PSME4: variants seen among roughly 807,000 people sequenced by gnomAD.
PSME4 encodes proteasome activator complex subunit 4.
A neutral mutation model predicts 253.9 loss-of-function variants in PSME4; 89 were observed. That is an observed-to-expected ratio of 0.35 (90% CI 0.30 to 0.42). The LOEUF (loss-of-function observed/expected upper bound fraction) is 0.42, where lower values mean the gene tolerates loss of function less well. PSME4 is among the 10% of genes least tolerant of loss of function. PSME4 has a pLI of 1.00. For missense variants in PSME4, 2,014 were observed against 2,195.2 expected, an observed-to-expected ratio of 0.92 and a Z score of 1.65; for synonymous variants, 851 against 759.2, an observed-to-expected ratio of 1.12 and a Z score of -1.99.
In PSME4 at chr2:53,892,979, T is replaced by C. The variant is rs779377938; in HGVS notation, c.4039-19A>G. On this transcript the variant is annotated intron_variant, in intron 35 of 46. Transcript: ENST00000404125. ...ATATACCCTATAAAAACAAAGACTG[T>C]TCTTCAGTACTCAAATGACTATCAT... 3.1e-6 allele frequency: 5 copies of C among 1,601,572 alleles called. No individual in the cohort carries two copies. The South Asian group carries it at 5.6e-5, about 18-fold the overall frequency.
intron 26 of PSME4, among the ~76,000 whole-genome samples, 180 bp from the exon 27 acceptor site, chr2:53,904,336 G>T (rs573378066): frequency 6.6e-6 from 1 of 152,226 alleles, no homozygotes; most frequent in South Asian, 2.1e-4. Context: ...CAAAAGGAAA[G>T]CACAATACCA....
intron 1 of PSME4, among the ~76,000 whole-genome samples, chr2:53,965,444 G>A (rs1670677016): frequency 6.6e-6 from 1 of 151,616 alleles, no homozygotes; most frequent in Non-Finnish European, 1.5e-5. Flanking sequence ...GTTGGCCAAG[G>A]AACTCCTGAC....
Position 53,919,248 on chromosome 2 carries a change from T to TAA in PSME4, c.2421-3_2421-2insTT. The stretch of plus-strand genomic sequence containing the variant: ...GTCAGACTCTGTAGAATATCATCTC[T>TAA]AGAAAAAAAAAAAAGACATTTTCAT... On this transcript the variant is annotated splice_polypyrimidine_tract_variant and splice_region_variant and intron_variant, in intron 19 of 46. Coordinates refer to ENST00000404125, the MANE Select transcript of PSME4 (RefSeq NM_014614.3). 6.5e-7 allele frequency: 1 copy of TAA among 1,543,896 alleles called. No individual in the cohort carries two copies. The highest frequency in any genetic ancestry group is 8.7e-7 in the Non-Finnish European group (1 of 1,151,726).
Position 53,921,185 on chromosome 2 carries a change from G to A in PSME4, c.2047-81C>T. ...TCATTAATGCAAAGTTCAATGTTTGGCCACTAACCTAGTGTTTCTCTAAAT... is the reference window on the plus strand; with the variant it reads ...TCATTAATGCAAAGTTCAATGTTTGACCACTAACCTAGTGTTTCTCTAAAT... On this transcript the variant is annotated intron_variant, in intron 17 of 46. Coordinates refer to ENST00000404125, the MANE Select transcript of PSME4 (RefSeq NM_014614.3). 3 of 1,580,654 alleles carry A rather than the reference G, an allele frequency of 1.9e-6. No homozygotes were observed. The South Asian group carries it at 3.4e-5, about 18-fold the overall frequency.
chr2:53,906,374 T>C lies in PSME4; in HGVS notation c.2943+224A>G, dbSNP rs182851448. Reference sequence around the variant, plus strand: ...CCTTAGCTTGAATATATTTGCAATTTGAAAGCTGTTTTCTATGCTAACATG... The same window carrying C: ...CCTTAGCTTGAATATATTTGCAATTCGAAAGCTGTTTTCTATGCTAACATG... On this transcript the variant is annotated intron_variant, in intron 26 of 46. Transcript: ENST00000404125. 2.6e-5 allele frequency among the ~76,000 whole-genome samples: 4 copies of C among 152,360 alleles called. No homozygotes were observed. The East Asian group carries it at 5.8e-4, about 22-fold the overall frequency.
chr2:53,881,098 A>G (rs946464214), intron 41 of PSME4, among the ~76,000 whole-genome samples: 1 of 152,224 alleles, frequency 6.6e-6, no homozygotes, highest in Non-Finnish European at 1.5e-5. Context: ...CTAAAATCCA[A>G]TAGATAAATT....
chr2:53,926,154 AC>A, intron 12 of PSME4, 131 bp from the exon 13 acceptor site: 1 of 635,912 alleles, frequency 1.6e-6, no homozygotes, highest in Non-Finnish European at 2.7e-6. Context: ...GAGAAACAGC[AC>A]CATGCTAGAC....
chr2:53,958,259 G>A (rs1409658331), intron 1 of PSME4, among the ~76,000 whole-genome samples: 2 of 151,876 alleles, frequency 1.3e-5, no homozygotes, highest in African/African-American at 4.8e-5. Flanking sequence ...GGGAGGCTGA[G>A]GTGGGAGAAC....
chr2:53,885,662 T>G (rs758230978), intron 41 of PSME4, 28 bp downstream of exon 41: 1 of 1,523,318 alleles, frequency 6.6e-7, no homozygotes, highest in Admixed American at 1.7e-5. Context: ...CAAAAGGAGA[T>G]GCATTCTTAA....
intron 1 of PSME4, among the ~76,000 whole-genome samples, chr2:53,962,285 C>T (rs1398326325): frequency 6.6e-6 from 1 of 150,722 alleles, no homozygotes; most frequent in African/African-American, 2.4e-5. Context: ...TTTACAGGGG[C>T]GAAAGGGATT....
intron 1 of PSME4, among the ~76,000 whole-genome samples, chr2:53,970,259 C>T (rs1327979839): frequency 6.6e-6 from 1 of 152,140 alleles, no homozygotes; most frequent in Non-Finnish European, 1.5e-5. Context: ...CTTGGGCTAC[C>T]CAGGGCCCCC....
intron 24 of PSME4, among the ~76,000 whole-genome samples, chr2:53,907,551 G>A (rs1454117388): frequency 6.6e-6 from 1 of 152,160 alleles, no homozygotes; most frequent in African/African-American, 2.4e-5. Flanking sequence ...GTTCACAGTG[G>A]TGGCAGAGCT....
chr2:53,877,286 G>A (rs1679181099), intron 41 of PSME4, among the ~76,000 whole-genome samples: 1 of 150,798 alleles, frequency 6.6e-6, no homozygotes, highest in South Asian at 2.1e-4. Flanking sequence ...TGGGCTTGGT[G>A]CCACATGCCT....
intron 39 of PSME4, 56 bp downstream of exon 39, chr2:53,887,802 T>TA (rs541569401): frequency 4.7e-4 from 673 of 1,427,694 alleles, no homozygotes; most frequent in South Asian, 9.4e-4. Flanking sequence ...TATTACAATT[T>TA]AAAAAAAAAC....
At chr2:53,936,873 G>T (rs749242531) in intron 5 of PSME4, 46 bp from the exon 6 acceptor site, 4 of 1,298,814 alleles carry the variant, frequency 3.1e-6, no homozygotes, top group Admixed American at 2.1e-5. Flanking sequence ...ATTTTAAAGT[G>T]GTTCAATGCC....
At position 53,920,187 on chromosome 2, in the gene PSME4, A is replaced by C; in HGVS notation, c.2420+6T>G. ...TGAATAACTCTAATTATAAAATAAA[A>C]CCAACCTAGACATTTCAAGTTTTCC... On this transcript the variant is annotated splice_donor_region_variant and intron_variant, in intron 19 of 46. Coordinates refer to ENST00000404125, the MANE Select transcript of PSME4 (RefSeq NM_014614.3). The C allele has an allele frequency of 6.3e-7, 1 of 1,589,746 alleles. No homozygotes were observed. Among genetic ancestry groups the C allele is most frequent in the Non-Finnish European group, 8.6e-7 (1 of 1,169,280 alleles).
chr2:53,940,989 A>ATG (rs1669424158), intron 3 of PSME4, among the ~76,000 whole-genome samples: 1 of 89,706 alleles, frequency 1.1e-5, no homozygotes, highest in Non-Finnish European at 2.5e-5. Flanking sequence ...ATATATATAT[A>ATG]TATATATATA....
Position 53,899,967 on chromosome 2 carries a change from G to A in PSME4, c.3336C>T (p.Asn1112=). ...EIAELLQQSK[N]PSINQILLSP... The stretch of plus-strand genomic sequence containing the variant: ...TAAGCAATATCTGGTTGATAGAGGG[G>A]TTTTTTGACTGTTGAAGTAATTCCG... Residue 1112 remains asparagine, a synonymous_variant, in exon 29 of 47, where the codon AAC becomes AAT. Transcript: ENST00000404125. 1 of 1,613,498 alleles carries A rather than the reference G, an allele frequency of 6.2e-7. No homozygotes were observed. The highest frequency in any genetic ancestry group is 8.5e-7 in the Non-Finnish European group (1 of 1,179,564).
In PSME4 at chr2:53,869,590, A is replaced by G. The variant is rs774704063; in HGVS notation, c.5101-52T>C. 2.9e-6 allele frequency: 4 copies of G among 1,384,998 alleles called. No homozygotes were observed. The South Asian group carries it at 5.7e-5, about 20-fold the overall frequency. The allele number at this position is 1,384,998 out of a possible 1,614,324, so 85.8% of individuals were successfully genotyped here. A position where few individuals can be genotyped will look rare whatever the true frequency, so the allele number is the denominator to read the frequency against. On this transcript the variant is annotated intron_variant, in intron 43 of 46. Transcript: ENST00000404125. ...ACTGACATTCTAAGTCTGAGGGAAT[A>G]ATGGAGGATAGGGGGTAGTGTGGGA... is the stretch of plus-strand genomic sequence containing the variant.
Sources: gnomAD v4.1 joint callset for allele counts (sites outside exome capture counted in the v4.1 genomes callset) on GRCh38, gnomAD v4.1.1 for gene constraint, MANE v1.5 for transcripts, NCBI Gene and HGNC (gene_info 2026-07-23, HGNC 2026-07-21) for gene names.